TMEM273: variants seen among roughly 807,000 people sequenced by gnomAD.
The protein encoded by TMEM273 is chromosome 10 open reading frame 128.
A neutral mutation model predicts 17.9 loss-of-function variants in TMEM273; 19 were observed. The ratio of observed to expected loss-of-function variants is 1.06; its 90% CI spans 0.74 to 1.55. TMEM273 has a LOEUF of 1.55. Among genes scored for constraint, TMEM273 ranks in the 40% most tolerant of loss-of-function variants. The pLI is 0.00. For missense variants in TMEM273, 194 were observed against 155.6 expected (o/e 1.25, Z -1.31); for synonymous variants, 66 against 62.0 (o/e 1.07, Z -0.31).
chr10:49,162,162 A>G (rs1845884075), intron 5 of TMEM273, among the ~76,000 whole-genome samples: 1 of 152,224 alleles, frequency 6.6e-6, no homozygotes, highest in African/African-American at 2.4e-5. Flanking sequence ...ATGATCATGC[A>G]TAAGAACATA....
intron 3 of TMEM273, chr10:49,166,443 A>C (rs891336576): frequency 3.9e-5 from 10 of 255,772 alleles, no homozygotes. Flanking sequence ...CTTAGGACCA[A>C]CCTCGCTGCC....
chr10:49,168,106 G>A lies in TMEM273; in HGVS notation c.44-144C>T, dbSNP rs1846316779. The A allele has an allele frequency of 1.1e-5, 10 of 928,652 alleles. No individual in the cohort carries two copies. In the South Asian group the frequency reaches 1.5e-4, roughly 14 times the overall value. The allele number at this position is 928,652 out of a possible 1,614,324, so 57.5% of individuals were successfully genotyped here. ...CTCCCAATTGCCATGGAGTGTCTTG[G>A]AGCCTTGCTGAGACATCAGAGCTTC... On this transcript the variant is annotated intron_variant, in intron 1 of 6. Transcript: ENST00000374153.
At chr10:49,187,560 A>AT (rs1270976506) in intron 1 of TMEM273, among the ~76,000 whole-genome samples, 1 of 152,108 alleles carries the variant, frequency 6.6e-6, no homozygotes, top group Non-Finnish European at 1.5e-5. Flanking sequence ...TCGTAAAGGC[A>AT]TGTGTCTCTC....
chr10:49,166,879 C>G lies in TMEM273; in HGVS notation c.228G>C (p.Gly76=). The G allele has an allele frequency of 6.2e-7, 1 of 1,613,850 alleles. No individual in the cohort carries two copies. Among genetic ancestry groups the G allele is most frequent in the Non-Finnish European group, 8.5e-7 (1 of 1,180,008 alleles). The change falls in exon 3 of 7, where the codon GGG becomes GGC. Residue 76 remains glycine, a synonymous_variant. Coordinates refer to ENST00000374153, the MANE Select transcript of TMEM273 (RefSeq NM_001288740.3). ...DDSSDLKSTP[G]GLSDTIPLKK... is the part of the protein sequence containing the mutation. ...CACCACATCCCTCACCACTGAGGCC[C>G]CCAGGCGTGCTTTTCAGGTCGGAAG...
chr10:49,161,869 C>T lies in TMEM273; in HGVS notation c.349-247G>A, dbSNP rs546285795. On this transcript the variant is annotated intron_variant, in intron 5 of 6. Transcript: ENST00000374153. ...TACCTGCCAAGAACAGCTCCCTGCA[C>T]GTGGTGAGGGCGATGTATTAATTAT... Among the ~76,000 whole-genome samples, 6 of 152,262 alleles carry T rather than the reference C, an allele frequency of 3.9e-5. No individual in the cohort carries two copies. In the Middle Eastern group the frequency reaches 0.01, roughly 259 times the overall value.
At chr10:49,158,665 G>T (rs1217623279) in intron 6 of TMEM273, among the ~76,000 whole-genome samples, 1 of 152,170 alleles carries the variant, frequency 6.6e-6, no homozygotes, top group Non-Finnish European at 1.5e-5. Flanking sequence ...AATACCAATG[G>T]AGAATAAAGC....
At chr10:49,188,236 CCA>C in intron 1 of TMEM273, 56 bp downstream of exon 1, 1 of 1,595,818 alleles carries the variant, frequency 6.3e-7, no homozygotes, top group South Asian at 1.1e-5. Flanking sequence ...TAAGGCTCCC[CCA>C]GTTTCCTGCC....
chr10:49,184,538 T>G (rs1847545373), intron 1 of TMEM273, among the ~76,000 whole-genome samples: 1 of 152,230 alleles, frequency 6.6e-6, no homozygotes, highest in African/African-American at 2.4e-5. Context: ...GAGAAAGTAG[T>G]TATTCCTAGT....
rs572552196 is a variant in TMEM273 at position 49,169,861 on chromosome 10, C to A, written c.44-1899G>T. ...CAGAGCTGTGTGTGCTACGTCTTCACCCTTTCCTGGGACGGGACCCTTTGC... is the reference window on the plus strand; with the variant it reads ...CAGAGCTGTGTGTGCTACGTCTTCAACCTTTCCTGGGACGGGACCCTTTGC... On this transcript the variant is annotated intron_variant, in intron 1 of 6. Coordinates refer to ENST00000374153, the MANE Select transcript of TMEM273 (RefSeq NM_001288740.3). 7.0e-4 allele frequency among the ~76,000 whole-genome samples: 107 copies of A among 152,350 alleles called. 1 individual carries two copies. Among genetic ancestry groups the A allele is most frequent in the African/African-American group, 2.5e-3 (105 of 41,578 alleles).
chr10:49,167,137 C>T (rs2132153997), intron 2 of TMEM273, 128 bp from the exon 3 acceptor site: 2 of 1,280,388 alleles, frequency 1.6e-6, no homozygotes, highest in Non-Finnish European at 2.1e-6. Flanking sequence ...GCCAGCCTCA[C>T]CTTCTACTCT....
At position 49,167,092 on chromosome 10, in the gene TMEM273, T is replaced by C. The variant is rs1473627968; in HGVS notation, c.98-83A>G. ...TTCCAGATGAGGTCCAAAGCATGCA[T>C]GTGGCCCTTAACACACCACCTCCCA... On this transcript the variant is annotated intron_variant, in intron 2 of 6. Coordinates refer to ENST00000374153, the MANE Select transcript of TMEM273 (RefSeq NM_001288740.3). The C allele has an allele frequency of 3.2e-6, 5 of 1,559,914 alleles. No homozygotes were observed. In the Admixed American group the frequency reaches 5.2e-5, roughly 16 times the overall value.
At chr10:49,186,983 T>A (rs1380252238) in intron 1 of TMEM273, among the ~76,000 whole-genome samples, 2 of 152,148 alleles carry the variant, frequency 1.3e-5, no homozygotes, top group African/African-American at 4.8e-5. Flanking sequence ...CATTTTAAAG[T>A]TTTATTGTCT....
In TMEM273 at chr10:49,167,009, T is replaced by G. The variant is rs775796290; in HGVS notation, c.98A>C (p.Asp33Ala). The change falls in exon 3 of 7, where the codon GAT becomes GCT. Residue 33 changes from aspartate (D) to alanine (A), a missense_variant and splice_region_variant. Physicochemically the swap from Asp to Ala is moderately radical, Grantham distance 126. Coordinates refer to ENST00000374153, the MANE Select transcript of TMEM273 (RefSeq NM_001288740.3). ...AGTCCCGATGAGGGCGTACTTGAAA[T>G]CTGAAACGCAGGGAGGAATTGAACA... is the stretch of plus-strand genomic sequence containing the variant. ...ATGKTPGAEI[D>A]FKYALIGTAV... 42 of 1,613,674 alleles carry G rather than the reference T, an allele frequency of 2.6e-5. No individual in the cohort carries two copies. In the Admixed American group the frequency reaches 2.7e-4, roughly 10 times the overall value.
In TMEM273 at chr10:49,167,951, C is replaced by T. The variant is rs780728599; in HGVS notation, c.55G>A (p.Ala19Thr). Residue 19 changes from alanine to threonine, a missense_variant, in exon 2 of 7, where the codon GCT (alanine) becomes ACT (threonine). Ala to Thr is a moderately conservative substitution (Grantham distance 58). Coordinates refer to ENST00000374153, the MANE Select transcript of TMEM273 (RefSeq NM_001288740.3). Reference sequence around the variant, plus strand: ...GTCTTGCCTGTTGCCAGCACTTGAGCTCCTCCTACATCTGCAAAGAAAGAA... The same window carrying T: ...GTCTTGCCTGTTGCCAGCACTTGAGTTCCTCCTACATCTGCAAAGAAAGAA... ...RILFLLDVGG[A>T]QVLATGKTPG... 1 of 1,614,112 alleles carries T rather than the reference C, an allele frequency of 6.2e-7. No homozygotes were observed. Among genetic ancestry groups the T allele is most frequent in the Non-Finnish European group, 8.5e-7 (1 of 1,180,012 alleles).
intron 6 of TMEM273, among the ~76,000 whole-genome samples, chr10:49,159,065 C>T (rs914263080): frequency 2.0e-5 from 3 of 151,988 alleles, no homozygotes; most frequent in Non-Finnish European, 2.9e-5. Flanking sequence ...GGTAGGAACA[C>T]GGTAGAGTGG....
chr10:49,163,735 A>G (rs904896587), intron 5 of TMEM273, among the ~76,000 whole-genome samples: 1 of 152,118 alleles, frequency 6.6e-6, no homozygotes, highest in African/African-American at 2.4e-5. Context: ...ACAGAAGGAG[A>G]GATGGGGTGC....
chr10:49,185,464 C>G (rs1027461618), intron 1 of TMEM273, among the ~76,000 whole-genome samples: 1 of 152,102 alleles, frequency 6.6e-6, no homozygotes, highest in Admixed American at 6.5e-5. Flanking sequence ...CCCACCCTCA[C>G]AGACCCCCAT....
intron 1 of TMEM273, among the ~76,000 whole-genome samples, chr10:49,177,970 C>T (rs538467956): frequency 6.6e-6 from 1 of 152,214 alleles, no homozygotes; most frequent in East Asian, 1.9e-4. Flanking sequence ...CCTCAGAAGC[C>T]AACATGACCC....
chr10:49,163,147 G>T (rs1009021865), intron 5 of TMEM273, among the ~76,000 whole-genome samples: 1 of 152,148 alleles, frequency 6.6e-6, no homozygotes, highest in Middle Eastern at 3.2e-3. Context: ...GGAAGGGAGG[G>T]GTGTGAAGAG....
Sources: allele counts gnomAD v4.1 joint callset (sites outside exome capture counted in the v4.1 genomes callset), GRCh38; gene constraint gnomAD v4.1.1; transcripts MANE v1.5; gene names NCBI Gene and HGNC (gene_info 2026-07-23, HGNC 2026-07-21).